STK32B: variants seen among roughly 807,000 people sequenced by gnomAD.
The protein encoded by STK32B is serine/threonine-protein kinase 32B.
STK32B carries 43 observed loss-of-function variants against 52.6 expected under a neutral mutation model. The observed-to-expected ratio is 0.82, with a 90% CI of 0.64 to 1.05. The LOEUF (loss-of-function observed/expected upper bound fraction) is 1.05, where lower values mean the gene tolerates loss of function less well. Ranked by LOEUF, STK32B falls within the 50% of genes least tolerant of loss-of-function variation. The pLI is 0.00. For missense variants in STK32B, 621 were observed against 534.6 expected, an observed-to-expected ratio of 1.16 and a Z score of -1.59; for synonymous variants, 238 against 204.3, an observed-to-expected ratio of 1.17 and a Z score of -1.41.
intron 3 of STK32B, among the ~76,000 whole-genome samples, chr4:5,193,249 A>G (rs2108766880): frequency 6.6e-6 from 1 of 152,258 alleles, no homozygotes; most frequent in South Asian, 2.1e-4. Flanking sequence ...GCTGCTCTGC[A>G]GGACTGGGCC....
chr4:5,072,109 T>C (rs1711821393), intron 1 of STK32B, among the ~76,000 whole-genome samples: 1 of 152,178 alleles, frequency 6.6e-6, no homozygotes, highest in South Asian at 2.1e-4. Flanking sequence ...CTGAAACCTA[T>C]AGGGCAGAGG....
rs1220205660 is a variant in STK32B at position 5,207,059 on chromosome 4, G to A, written c.260+38609G>A. Among the ~76,000 whole-genome samples, 8 of 152,156 alleles carry A rather than the reference G, an allele frequency of 5.3e-5. No homozygotes were observed. In the East Asian group the frequency reaches 1.5e-3, roughly 29 times the overall value. Reference sequence around the variant, plus strand: ...GGAGTGCCATACATTTTAGTAAGTGGAGTCCTGTTGGAACACAGTCACACG... The same window carrying A: ...GGAGTGCCATACATTTTAGTAAGTGAAGTCCTGTTGGAACACAGTCACACG... On this transcript the variant is annotated intron_variant, in intron 3 of 11. Coordinates refer to ENST00000282908, the MANE Select transcript of STK32B (RefSeq NM_018401.3).
chr4:5,460,356 A>G lies in STK32B; in HGVS notation c.909+128A>G. 2 of 1,408,768 alleles carry G rather than the reference A, an allele frequency of 1.4e-6. No individual in the cohort carries two copies. Among genetic ancestry groups the G allele is most frequent in the South Asian group, 2.8e-5 (2 of 71,640 alleles). 87.3% of individuals were successfully genotyped at this position (1,408,768 alleles called of 1,614,324 possible). ...ACTTCCACCTGAGCACCAAGGGCTT[A>G]TGTCTTGCTGGAATTCAGGGTGAAC... On this transcript the variant is annotated intron_variant, in intron 9 of 11. Coordinates refer to ENST00000282908, the MANE Select transcript of STK32B (RefSeq NM_018401.3). This position sits in a 1 kb window ranked among gnomAD's most constrained non-coding sequence, Gnocchi z 4.8.
At chr4:5,135,677 C>A (rs1362932094) in intron 1 of STK32B, among the ~76,000 whole-genome samples, 1 of 152,156 alleles carries the variant, frequency 6.6e-6, no homozygotes, top group Non-Finnish European at 1.5e-5. Context: ...ATCCTTTGCT[C>A]ATGTTTTTGG....
rs13149293 is a variant in STK32B, at chr4:5,440,881, A to C, written c.563-5792A>C. 7.9e-3 allele frequency among the ~76,000 whole-genome samples: 1,188 copies of C among 150,016 alleles called. 28 individuals are homozygous for C. Among genetic ancestry groups the C allele is most frequent in the African/African-American group, 0.027 (1,108 of 40,430 alleles). On this transcript the variant is annotated intron_variant, in intron 6 of 11. Coordinates refer to ENST00000282908, the MANE Select transcript of STK32B (RefSeq NM_018401.3). ...AGATAATCATGTGGTTTTTGTCTTT[A>C]GTTCTGTTTATATGCTGGATTACAT...
chr4:5,091,598 G>T (rs1293257562), intron 1 of STK32B, among the ~76,000 whole-genome samples: 4 of 152,122 alleles, frequency 2.6e-5, no homozygotes, highest in Non-Finnish European at 5.9e-5. Context: ...GGAAATATTG[G>T]AATCCTTATA....
chr4:5,424,514 G>A (rs535051775), intron 6 of STK32B, among the ~76,000 whole-genome samples: 6 of 152,170 alleles, frequency 3.9e-5, no homozygotes, highest in Non-Finnish European at 7.3e-5. Context: ...GCCAGACTGG[G>A]GCAGATGTTG....
intron 3 of STK32B, among the ~76,000 whole-genome samples, chr4:5,323,403 C>A (rs79256852): frequency 7.3e-4 from 111 of 152,264 alleles, no homozygotes; most frequent in African/African-American, 2.6e-3. Flanking sequence ...CTGTGCTGAG[C>A]ACGGCTGCTT....
intron 4 of STK32B, among the ~76,000 whole-genome samples, chr4:5,341,603 A>T (rs149337025): frequency 5.0e-4 from 76 of 152,352 alleles, no homozygotes; most frequent in Non-Finnish European, 7.3e-4. Context: ...TTGCTATATT[A>T]GGCTGTTCTT....
chr4:5,217,873 A>G (rs1285711273), intron 3 of STK32B, among the ~76,000 whole-genome samples: 1 of 152,224 alleles, frequency 6.6e-6, no homozygotes, highest in African/African-American at 2.4e-5. Flanking sequence ...TGAGAAAATT[A>G]GTCTACCAGA....
chr4:5,339,415 C>G (rs942966210), intron 4 of STK32B, among the ~76,000 whole-genome samples: 9 of 152,144 alleles, frequency 5.9e-5, no homozygotes, highest in Non-Finnish European at 8.8e-5. Context: ...TTTTTACCTC[C>G]TTTCTTATGG....
chr4:5,401,784 G>A (rs1014329140), intron 5 of STK32B, among the ~76,000 whole-genome samples: 1 of 152,214 alleles, frequency 6.6e-6, no homozygotes, highest in Admixed American at 6.5e-5. Context: ...GTACAATAAA[G>A]CTGGGTAATG....
At chr4:5,422,072 G>C (rs1241484234) in intron 6 of STK32B, among the ~76,000 whole-genome samples, 1 of 152,106 alleles carries the variant, frequency 6.6e-6, no homozygotes, top group East Asian at 1.9e-4. Flanking sequence ...CGGGGTTACT[G>C]ATGGAAAAAG....
chr4:5,115,461 A>G (rs1403917764), intron 1 of STK32B, among the ~76,000 whole-genome samples: 1 of 152,230 alleles, frequency 6.6e-6, no homozygotes, highest in East Asian at 1.9e-4. Flanking sequence ...ACAGGGTGGC[A>G]CACATGAGCA....
chr4:5,159,562 A>ATAT (rs1718178527), intron 2 of STK32B, among the ~76,000 whole-genome samples: 1 of 51,594 alleles, frequency 1.9e-5, no homozygotes, highest in East Asian at 6.7e-4. Context: ...AATATATATG[A>ATAT]ATGAATATAT....
At chr4:5,173,892 T>A (rs939454879) in intron 3 of STK32B, among the ~76,000 whole-genome samples, 1 of 152,206 alleles carries the variant, frequency 6.6e-6, no homozygotes, top group African/African-American at 2.4e-5. Context: ...CTGTCTAATG[T>A]TGACAGTGGG....
intron 3 of STK32B, among the ~76,000 whole-genome samples, chr4:5,207,996 C>G (rs781303606): frequency 1.3e-5 from 2 of 152,166 alleles, no homozygotes; most frequent in Non-Finnish European, 2.9e-5. Flanking sequence ...CTGTATCTAT[C>G]AGTCAGGATG....
rs1181045429 is a variant in STK32B at position 5,305,340 on chromosome 4, CTT to C, written c.261-25876_261-25875del. Among the ~76,000 whole-genome samples, 15 of 152,010 alleles carry C rather than the reference CTT, an allele frequency of 9.9e-5. No homozygotes were observed. In the East Asian group the frequency reaches 2.9e-3, roughly 29 times the overall value. ...GCCCTGCACTTTCTTTCCTTGGTAACTTTTTAATTACCATTTCAATCTCACTA... is the reference window on the plus strand; with the variant it reads ...GCCCTGCACTTTCTTTCCTTGGTAACTTTAATTACCATTTCAATCTCACTA... On this transcript the variant is annotated intron_variant, in intron 3 of 11. Coordinates refer to ENST00000282908, the MANE Select transcript of STK32B (RefSeq NM_018401.3).
chr4:5,175,174 G>A (rs1163967867), intron 3 of STK32B, among the ~76,000 whole-genome samples: 2 of 152,062 alleles, frequency 1.3e-5, no homozygotes, highest in South Asian at 2.1e-4. Context: ...GGACTTCTCT[G>A]CATTGGTTAT....
Sources: allele counts gnomAD v4.1 joint callset (sites outside exome capture counted in the v4.1 genomes callset), GRCh38; gene constraint gnomAD v4.1.1; non-coding constraint Gnocchi (gnomAD v3.1); transcripts MANE v1.5; gene names NCBI Gene and HGNC (gene_info 2026-07-23, HGNC 2026-07-21).